TXNL4B: variants seen among roughly 807,000 people sequenced by gnomAD.
TXNL4B encodes thioredoxin like 4B, also known as thioredoxin-like protein 4B.
In TXNL4B, 12 loss-of-function variants were observed where a neutral mutation model predicts 13.0. That is an observed-to-expected ratio of 0.92 (90% CI 0.59 to 1.49). The LOEUF (loss-of-function observed/expected upper bound fraction) is 1.49. Ranked by LOEUF, TXNL4B falls within the 40% of genes most tolerant of loss-of-function variation. The probability of loss-of-function intolerance (pLI) is 0.00; values close to 1 mark genes in which losing one functional copy is unlikely to be tolerated. For synonymous variants in TXNL4B, 59 were observed against 58.9 expected (o/e 1.00, Z -0.01); for missense variants, 214 against 173.6 (o/e 1.23, Z -1.31).
intron 1 of TXNL4B, 87 bp from the exon 2 acceptor site, chr16:72,090,873 G>A: frequency 9.6e-7 from 1 of 1,036,410 alleles, no homozygotes; most frequent in Non-Finnish European, 1.4e-6. Flanking sequence ...AGTAGCTAAT[G>A]TATTCACATG....
chr16:72,086,527 T>C lies in TXNL4B; in HGVS notation c.*110A>G. ...GTTTTCTACACGCAAGTCAAACCTC[T>C]TCTCCTCTGGGACACATGTTTCCAA... On this transcript the variant is annotated 3_prime_UTR_variant, in exon 4 of 4. Coordinates refer to ENST00000268483, the MANE Select transcript of TXNL4B (RefSeq NM_017853.3). 2.8e-6 allele frequency: 3 copies of C among 1,064,538 alleles called. No individual in the cohort carries two copies. The highest frequency in any genetic ancestry group is 4.0e-6 in the Non-Finnish European group (3 of 745,598). The allele number at this position is 1,064,538 out of a possible 1,614,324, so 65.9% of individuals were successfully genotyped here.
intron 1 of TXNL4B, among the ~76,000 whole-genome samples, chr16:72,091,990 CTT>C (rs2041912357): frequency 6.6e-6 from 1 of 152,174 alleles, no homozygotes; most frequent in Non-Finnish European, 1.5e-5. Flanking sequence ...TTGAGAAACT[CTT>C]TGACAAAGAA....
chr16:72,090,307 T>C (rs2041885615), intron 2 of TXNL4B: 1 of 471,686 alleles, frequency 2.1e-6, no homozygotes, highest in Non-Finnish European at 4.1e-6. Flanking sequence ...ATGGGGCTAC[T>C]ATTATCCCAC....
At chr16:72,093,119 C>A (rs1260067332) in intron 1 of TXNL4B, among the ~76,000 whole-genome samples, 1 of 152,100 alleles carries the variant, frequency 6.6e-6, no homozygotes, top group East Asian at 1.9e-4. Flanking sequence ...CTCAGGCGCG[C>A]GCCACAACTG....
chr16:72,087,880 C>T (rs780755480), intron 3 of TXNL4B, among the ~76,000 whole-genome samples: 4 of 151,890 alleles, frequency 2.6e-5, no homozygotes, highest in Non-Finnish European at 5.9e-5. Flanking sequence ...AGTGCAGTGG[C>T]GCGCTCTCGG....
chr16:72,086,742 CA>C lies in TXNL4B; in HGVS notation c.344del (p.Leu115Ter). The C allele has an allele frequency of 6.2e-7, 1 of 1,613,278 alleles. No homozygotes were observed. The highest frequency in any genetic ancestry group is 8.5e-7 in the Non-Finnish European group (1 of 1,179,314). ...SFKTKQDFID[L>X]IEVIYRGAMR... ...TTGCTCCTCGATAGATTACTTCAAT[CA>C]AATCTATGAAGTCTTGTTTGGTTTT... On this transcript the variant is annotated frameshift_variant, in exon 4 of 4. Coordinates refer to ENST00000268483, the MANE Select transcript of TXNL4B (RefSeq NM_017853.3). LOFTEE classifies it high-confidence loss of function.
At chr16:72,090,947 T>TG in intron 1 of TXNL4B, among the ~76,000 whole-genome samples, 161 bp from the exon 2 acceptor site, 1 of 152,346 alleles carries the variant, frequency 6.6e-6, no homozygotes, top group Non-Finnish European at 1.5e-5. Context: ...CCCTGCTCCT[T>TG]GGAACCAGTT....
intron 2 of TXNL4B, among the ~76,000 whole-genome samples, chr16:72,090,352 G>A (rs186231750): frequency 6.6e-6 from 1 of 152,162 alleles, no homozygotes; most frequent in East Asian, 1.9e-4. Context: ...GTTCACAGAT[G>A]CTTGTTAATA....
Position 72,085,414 on chromosome 16 carries a change from T to A in TXNL4B, c.*1223A>T, listed in dbSNP as rs1324305091. 1 of 171,396 alleles carries A rather than the reference T, an allele frequency of 5.8e-6. No homozygotes were observed. Among genetic ancestry groups the A allele is most frequent in the African/African-American group, 2.4e-5 (1 of 42,300 alleles). 10.6% of individuals were successfully genotyped at this position (171,396 alleles called of 1,614,324 possible). ...TCTGTTTCAATAACCACCACGAGGT[T>A]TAAAGAGGAGCAGTAACTTGCCCAC... On this transcript the variant is annotated 3_prime_UTR_variant, in exon 4 of 4. Transcript: ENST00000268483.
chr16:72,090,026 A>T lies in TXNL4B; in HGVS notation c.132+592T>A, dbSNP rs1422313627. 3 of 445,878 alleles carry T rather than the reference A, an allele frequency of 6.7e-6. No individual in the cohort carries two copies. The East Asian group carries it at 2.1e-4, about 31-fold the overall frequency. 27.6% of individuals were successfully genotyped at this position (445,878 alleles called of 1,614,324 possible). A position where few individuals can be genotyped will look rare whatever the true frequency, so the allele number is the denominator to read the frequency against. The stretch of plus-strand genomic sequence containing the variant: ...AGAATCCTCTGGTCCTTTTTTCCCC[A>T]AGCTAACACATCACACCCTCATTGT... On this transcript the variant is annotated intron_variant, in intron 2 of 3. Coordinates refer to ENST00000268483, the MANE Select transcript of TXNL4B (RefSeq NM_017853.3).
rs566774770 is a variant in TXNL4B at position 72,087,455 on chromosome 16, T to C, written c.285-653A>G. 2.0e-5 allele frequency: 3 copies of C among 152,186 alleles called. No homozygotes were observed. The East Asian group carries it at 5.8e-4, about 29-fold the overall frequency. The allele number at this position is 152,186 out of a possible 1,614,324, so 9.4% of individuals were successfully genotyped here. ...GTAATATGCTTTTTTCTAGCTGACA[T>C]ATATTTCTTTCATTTGTTAAATGTG... On this transcript the variant is annotated intron_variant, in intron 3 of 3. Transcript: ENST00000268483.
intron 1 of TXNL4B, 135 bp from the exon 2 acceptor site, chr16:72,090,921 G>A (rs1161026285): frequency 2.8e-6 from 2 of 714,672 alleles, no homozygotes; most frequent in South Asian, 2.1e-5. Context: ...ACACTGTGGA[G>A]TTTCCCTCTC....
intron 3 of TXNL4B, 120 bp downstream of exon 3, chr16:72,088,867 G>T (rs1248777238): frequency 3.1e-6 from 2 of 646,116 alleles, no homozygotes; most frequent in South Asian, 6.8e-5. Context: ...CGTCAATTGG[G>T]GAAACAGTAC....
chr16:72,090,686 C>T lies in TXNL4B; in HGVS notation c.64G>A (p.Ala22Thr). The T allele has an allele frequency of 1.2e-6, 2 of 1,614,184 alleles. No individual in the cohort carries two copies. The highest frequency in any genetic ancestry group is 1.7e-6 in the Non-Finnish European group (2 of 1,180,024). ...AACCTGAGAACCAACACCTTCTCAGCAGTACTTTTTATCGCCTGGTCTACT... is the reference window on the plus strand; with the variant it reads ...AACCTGAGAACCAACACCTTCTCAGTAGTACTTTTTATCGCCTGGTCTACT... ...KEVDQAIKSTAEKVLVLRFGR... is the reference protein window; with the variant it reads ...KEVDQAIKSTTEKVLVLRFGR... Residue 22 changes from alanine (A) to threonine (T), a missense_variant, in exon 2 of 4, where the codon GCT (alanine) becomes ACT (threonine). Ala to Thr is a moderately conservative substitution (Grantham distance 58, BLOSUM62 0). Transcript: ENST00000268483.
chr16:72,093,162 C>G (rs186252871), intron 1 of TXNL4B, among the ~76,000 whole-genome samples: 32 of 152,348 alleles, frequency 2.1e-4, no homozygotes, highest in Non-Finnish European at 3.8e-4. Flanking sequence ...AAAGCTTGAA[C>G]TCACTTTTGT....
rs1209025918 is a variant in TXNL4B at position 72,084,964 on chromosome 16, A to C, written c.*1673T>G. ...AGATTGGGCTCTTTTTGTTCTTCTT[A>C]GCATATCGATGTTTTACGTGATGCT... On this transcript the variant is annotated 3_prime_UTR_variant, in exon 4 of 4. Transcript: ENST00000268483. 1 of 398,474 alleles carries C rather than the reference A, an allele frequency of 2.5e-6. No homozygotes were observed. The highest frequency in any genetic ancestry group is 2.1e-5 in the African/African-American group (1 of 48,618). The allele number at this position is 398,474 out of a possible 1,614,324, so 24.7% of individuals were successfully genotyped here.
chr16:72,094,072 C>T (rs1431226704), upstream of TXNL4B: 1 of 152,368 alleles, frequency 6.6e-6, no homozygotes, highest in East Asian at 1.9e-4. Context: ...CTTCTTCCTT[C>T]CTGGCCTGCC....
At chr16:72,092,667 T>C (rs981637776) in intron 1 of TXNL4B, among the ~76,000 whole-genome samples, 19 of 152,120 alleles carry the variant, frequency 1.2e-4, no homozygotes, top group Non-Finnish European at 1.8e-4. Flanking sequence ...ACAAAGTTGT[T>C]AGTGGTGAGG....
In TXNL4B at chr16:72,085,135, C is replaced by G. The variant is rs928252283; in HGVS notation, c.*1502G>C. On this transcript the variant is annotated 3_prime_UTR_variant, in exon 4 of 4. Coordinates refer to ENST00000268483, the MANE Select transcript of TXNL4B (RefSeq NM_017853.3). ...TCCTGGAGTGACTCCCTCCTCTTATCAGCAGGGATACAAGCAGTGCCTGGC... is the reference window on the plus strand; with the variant it reads ...TCCTGGAGTGACTCCCTCCTCTTATGAGCAGGGATACAAGCAGTGCCTGGC... 1.0e-5 allele frequency: 4 copies of G among 397,556 alleles called. No individual in the cohort carries two copies. Among genetic ancestry groups the G allele is most frequent in the African/African-American group, 8.2e-5 (4 of 48,618 alleles). 24.6% of individuals were successfully genotyped at this position (397,556 alleles called of 1,614,324 possible). A position where few individuals can be genotyped will look rare whatever the true frequency, so the allele number is the denominator to read the frequency against.
Sources: gnomAD v4.1 joint callset for allele counts (sites outside exome capture counted in the v4.1 genomes callset) on GRCh38, gnomAD v4.1.1 for gene constraint, MANE v1.5 for transcripts, NCBI Gene and HGNC (gene_info 2026-07-23, HGNC 2026-07-21) for gene names.